Variants in OGDHL observed in about 807,000 individuals in gnomAD.
The protein encoded by OGDHL is oxoglutarate dehydrogenase L.
OGDHL carries 79 observed loss-of-function variants against 109.6 expected under a neutral mutation model. The ratio of observed to expected loss-of-function variants is 0.72; its 90% confidence interval spans 0.60 to 0.87. The LOEUF is 0.87. Ranked by LOEUF, OGDHL falls within the 40% of genes least tolerant of loss-of-function variation. OGDHL has a pLI of 0.00. For missense variants in OGDHL, 1,275 were observed against 1,362.2 expected, an observed-to-expected ratio of 0.94 and a Z score of 1.01; for synonymous variants, 528 against 537.2, an observed-to-expected ratio of 0.98 and a Z score of 0.24.
chr10:49,740,636 CG>C, intron 16 of OGDHL, 73 bp downstream of exon 16: 3 of 1,539,926 alleles, frequency 1.9e-6, no homozygotes, highest in Non-Finnish European at 2.6e-6. Context: ...GCCCTGGCCC[CG>C]GTCCCTTCCC....
rs865793905 is a variant in OGDHL at position 49,736,160 on chromosome 10, G to A, written c.2772C>T (p.Phe924=). The A allele has an allele frequency of 6.3e-6, 10 of 1,599,958 alleles. No homozygotes were observed. The highest frequency in any genetic ancestry group is 5.1e-5 in the Admixed American group (3 of 58,650). ...TCTCTGCCTCCTGCTTGATCAGGTC[G>A]AAGGGGAATGGAGAGATCTGGGGAG... ...TRLEQISPFP[F]DLIKQEAEKY... The change falls in exon 22 of 23, where the codon TTC becomes TTT. Residue 924 remains phenylalanine (F), a synonymous_variant. Transcript: ENST00000374103.
intron 13 of OGDHL, 36 bp downstream of exon 13, chr10:49,744,614 A>G (rs748301907): frequency 6.5e-7 from 1 of 1,541,180 alleles, no homozygotes; most frequent in Non-Finnish European, 9.0e-7. Context: ...CTCAAGGCCC[A>G]GGGGAGTCCC....
At chr10:49,749,618 C>T in intron 8 of OGDHL, 108 bp downstream of exon 8, 1 of 915,286 alleles carries the variant, frequency 1.1e-6, no homozygotes, top group South Asian at 1.7e-5. Context: ...CCAATGCATC[C>T]ATCTTAAGGT....
Position 49,746,852 on chromosome 10 carries a change from G to T in OGDHL, c.1194C>A (p.Asp398Glu), listed in dbSNP as rs200976388. The change falls in exon 10 of 23, where the codon GAC becomes GAA. Residue 398 changes from aspartate (D) to glutamate (E), a missense_variant. Physicochemically the swap from Asp to Glu is conservative, Grantham distance 45. Coordinates refer to ENST00000374103, the MANE Select transcript of OGDHL (RefSeq NM_018245.3). ...CCACGCCCTGGCCAGCAAAGGCGGC[G>T]TCCCCATGAACCAGGATGGACATGA... ...KKVMSILVHG[D>E]AAFAGQGVVY... 3 of 1,614,138 alleles carry T rather than the reference G, an allele frequency of 1.9e-6. No homozygotes were observed. The highest frequency in any genetic ancestry group is 3.3e-5 in the Admixed American group (2 of 60,022).
At chr10:49,745,266 G>A in intron 12 of OGDHL, 78 bp downstream of exon 12, 1 of 1,550,180 alleles carries the variant, frequency 6.5e-7, no homozygotes, top group Middle Eastern at 1.7e-4. Context: ...CCAGCACTGG[G>A]CTGGTAACAT....
intron 1 of OGDHL, among the ~76,000 whole-genome samples, chr10:49,759,619 A>T (rs1197455282): frequency 1.3e-5 from 2 of 151,976 alleles, no homozygotes; most frequent in African/African-American, 4.8e-5. Context: ...ATCACCCCAT[A>T]CCCCTGCCAC....
chr10:49,745,613 A>C, intron 11 of OGDHL, 117 bp from the exon 12 acceptor site: 1 of 1,365,482 alleles, frequency 7.3e-7, no homozygotes, highest in Non-Finnish European at 1.0e-6. Flanking sequence ...TTTGAGCTCC[A>C]CTATCACCTA....
chr10:49,751,605 T>G (rs774671029), intron 6 of OGDHL, among the ~76,000 whole-genome samples: 1 of 152,216 alleles, frequency 6.6e-6, no homozygotes, highest in Non-Finnish European at 1.5e-5. Context: ...CTTGTTCTCC[T>G]AGAGCCTCAT....
intron 15 of OGDHL, 28 bp downstream of exon 15, chr10:49,742,800 T>G: frequency 6.2e-7 from 1 of 1,602,950 alleles, no homozygotes; most frequent in East Asian, 2.2e-5. Context: ...AGGTCTCCTG[T>G]GCGGATGCTG....
At position 49,743,033 on chromosome 10, in the gene OGDHL, G is replaced by A. The variant is rs1261776583; in HGVS notation, c.1862-55C>T. 1.2e-5 allele frequency: 19 copies of A among 1,588,538 alleles called. No homozygotes were observed. The East Asian group carries it at 4.3e-4, about 36-fold the overall frequency. ...CAAGGGACAGCCAGCCCTGGGGCGG[G>A]TAGGTAGGTGCTCAGCACACACCCC... On this transcript the variant is annotated intron_variant, in intron 14 of 22. Transcript: ENST00000374103.
chr10:49,736,482 CG>C lies in OGDHL; in HGVS notation c.2628del (p.Ala877GlnfsTer23). ...SFQRVIPEDGAAARAPEQVQR... is the reference protein window; with the variant it reads ...SFQRVIPEDGXAARAPEQVQR... ...TGCACCTGCTCAGGGGCCCGTGCTGCGGCCCCATCTTCAGGAATCACCCGCT... is the reference window on the plus strand; with the variant it reads ...TGCACCTGCTCAGGGGCCCGTGCTGCGCCCCATCTTCAGGAATCACCCGCT... On this transcript the variant is annotated frameshift_variant, in exon 21 of 23. Coordinates refer to ENST00000374103, the MANE Select transcript of OGDHL (RefSeq NM_018245.3). LOFTEE classifies it high-confidence loss of function. 1 of 1,613,754 alleles carries C rather than the reference CG, an allele frequency of 6.2e-7. No homozygotes were observed. Among genetic ancestry groups the C allele is most frequent in the Non-Finnish European group, 8.5e-7 (1 of 1,180,004 alleles).
intron 15 of OGDHL, among the ~76,000 whole-genome samples, 194 bp downstream of exon 15, chr10:49,742,634 T>C (rs1038719095): frequency 7.9e-5 from 12 of 151,048 alleles, no homozygotes; most frequent in African/African-American, 2.7e-4. Flanking sequence ...AGTGGACAGC[T>C]TGGGCCCAGC....
Position 49,759,647 on chromosome 10 carries a change from G to A in OGDHL, c.-1-1054C>T, listed in dbSNP as rs78772660. Among the ~76,000 whole-genome samples the A allele has an allele frequency of 3.7e-3, 569 of 152,204 alleles. 3 individuals carry two copies. The highest frequency in any genetic ancestry group is 0.013 in the African/African-American group (527 of 41,524). ...CCTGCCACCTCATCCTACACATGAT[G>A]TGTAAAGTGGGACCTCTGTTCCCCA... On this transcript the variant is annotated intron_variant, in intron 1 of 22. Coordinates refer to ENST00000374103, the MANE Select transcript of OGDHL (RefSeq NM_018245.3).
chr10:49,744,661 G>A lies in OGDHL; in HGVS notation c.1721C>T (p.Ser574Phe). The A allele has an allele frequency of 6.2e-7, 1 of 1,613,956 alleles. No individual in the cohort carries two copies. The highest frequency in any genetic ancestry group is 8.5e-7 in the Non-Finnish European group (1 of 1,179,826). ...KILHIKHWLD[S>F]PWPGFFNVDG... ...CACTGCTCGCTCACCAGGCCAGGGG[G>A]AGTCCAACCAGTGCTTTATATGCAG... The change falls in exon 13 of 23, where the codon TCC (serine) becomes TTC (phenylalanine). Residue 574 changes from serine to phenylalanine, a missense_variant. By Grantham distance (155) the Ser-to-Phe change is radical. Transcript: ENST00000374103.
In OGDHL at chr10:49,744,734, C is replaced by G. The variant is rs142125130; in HGVS notation, c.1648G>C (p.Asp550His). Residue 550 changes from aspartate (D) to histidine (H), a missense_variant, in exon 13 of 23, where the codon GAC becomes CAC. Coordinates refer to ENST00000374103, the MANE Select transcript of OGDHL (RefSeq NM_018245.3). Reference protein sequence around the residue: ...QEFEEEIAKYDRICEEAYGRS... With the variant: ...QEFEEEIAKYHRICEEAYGRS... The stretch of plus-strand genomic sequence containing the variant: ...CCATAAGCCTCCTCACAGATCCGGT[C>G]GTATTTGGCAATTTCTTCCTGGAAT... The G allele has an allele frequency of 6.2e-7, 1 of 1,613,984 alleles. No homozygotes were observed. Among genetic ancestry groups the G allele is most frequent in the South Asian group, 1.1e-5 (1 of 91,044 alleles).
rs1020044480 is a variant in OGDHL at position 49,734,959 on chromosome 10, C to T, written c.*269G>A. 1.7e-5 allele frequency: 5 copies of T among 290,778 alleles called. No homozygotes were observed. Among genetic ancestry groups the T allele is most frequent in the South Asian group, 9.2e-5 (1 of 10,850 alleles). 18.0% of individuals were successfully genotyped at this position (290,778 alleles called of 1,614,324 possible). On this transcript the variant is annotated 3_prime_UTR_variant, in exon 23 of 23. Transcript: ENST00000374103. ...TGTCTTGAGATACAGGTGGAGAAGC[C>T]GCCCAAGAAATTCCAGCAAGATGGG... is the stretch of plus-strand genomic sequence containing the variant.
chr10:49,753,115 G>A (rs1190039846), intron 3 of OGDHL, among the ~76,000 whole-genome samples: 2 of 152,204 alleles, frequency 1.3e-5, no homozygotes, highest in African/African-American at 4.8e-5. Flanking sequence ...TTAAAAGGAA[G>A]AAGAAAAATC....
intron 22 of OGDHL, 45 bp from the exon 23 acceptor site, chr10:49,735,396 C>T (rs758815817): frequency 1.9e-6 from 3 of 1,594,670 alleles, no homozygotes; most frequent in East Asian, 2.2e-5. Flanking sequence ...GGCCTAGCCG[C>T]CCCCCAACCG....
rs1328917433 is a variant in OGDHL at position 49,752,157 on chromosome 10, CAG to C, written c.568_569del (p.Leu190AlafsTer36). The C allele has an allele frequency of 6.2e-7, 1 of 1,614,106 alleles. No homozygotes were observed. The highest frequency in any genetic ancestry group is 8.5e-7 in the Non-Finnish European group (1 of 1,180,016). On this transcript the variant is annotated frameshift_variant, in exon 5 of 23. Transcript: ENST00000374103. LOFTEE classifies it high-confidence loss of function. ...FIGGSENTLS[L>X]REIIRRLENT... is the part of the protein sequence containing the mutation. ...CCTCCAGGCGCCGAATGATCTCCCGCAGAGAGAGGGTGTTTTCAGAGCCCCCA... is the reference window on the plus strand; with the variant it reads ...CCTCCAGGCGCCGAATGATCTCCCGCAGAGAGGGTGTTTTCAGAGCCCCCA...
Sources: allele counts gnomAD v4.1 joint callset (sites outside exome capture counted in the v4.1 genomes callset), GRCh38; gene constraint gnomAD v4.1.1; transcripts MANE v1.5; gene names NCBI Gene and HGNC (gene_info 2026-07-23, HGNC 2026-07-21).